Variants in SYNGR1 observed in about 807,000 individuals in gnomAD.
SYNGR1 encodes synaptogyrin 1.
Under a neutral mutation model 26.1 loss-of-function variants are expected in SYNGR1, and 14 were observed. The ratio of observed to expected loss-of-function variants is 0.54; its 90% CI spans 0.35 to 0.84. The LOEUF (loss-of-function observed/expected upper bound fraction) is 0.84, where lower values mean the gene tolerates loss of function less well. Among genes scored for constraint, SYNGR1 ranks in the 40% least tolerant of loss-of-function variants. The pLI, the probability that SYNGR1 is intolerant of heterozygous loss-of-function variation, is 0.01. For missense variants in SYNGR1, 319 were observed against 332.9 expected, an observed-to-expected ratio of 0.96 and a Z score of 0.33; for synonymous variants, 141 against 150.1, an observed-to-expected ratio of 0.94 and a Z score of 0.44.
chr22:39,369,927 G>C (rs1437886338), intron 1 of SYNGR1, among the ~76,000 whole-genome samples: 4 of 152,076 alleles, frequency 2.6e-5, no homozygotes, highest in African/African-American at 9.7e-5. Context: ...TTTTTTTACT[G>C]TGGCCAGATT....
chr22:39,362,407 G>A (rs968230548), intron 1 of SYNGR1, among the ~76,000 whole-genome samples: 14 of 43,366 alleles, frequency 3.2e-4, no homozygotes, highest in African/African-American at 9.7e-4. Context: ...TGCACAACCC[G>A]GTGTGAGGCG....
intron 1 of SYNGR1, among the ~76,000 whole-genome samples, chr22:39,369,100 A>C (rs1368015333): frequency 6.6e-6 from 1 of 152,166 alleles, no homozygotes; most frequent in African/African-American, 2.4e-5. Context: ...CAGTGTCTGA[A>C]GTCTCTTTCT....
Position 39,377,070 on chromosome 22 carries a change from C to T in SYNGR1, c.483+873C>T, listed in dbSNP as rs528476277. 4.8e-5 allele frequency: 75 copies of T among 1,550,772 alleles called. No homozygotes were observed. The Admixed American group carries it at 9.6e-4, about 20-fold the overall frequency. On this transcript the variant is annotated intron_variant, in intron 3 of 3. Transcript: ENST00000328933. ...CATCCCAAGAGCCCTCCCCATAACCCACAGCTGCCTCCCCTCTGGACCGGC... is the reference window on the plus strand; with the variant it reads ...CATCCCAAGAGCCCTCCCCATAACCTACAGCTGCCTCCCCTCTGGACCGGC...
intron 3 of SYNGR1, chr22:39,376,985 G>A (rs1215218151): frequency 6.4e-7 from 1 of 1,550,544 alleles, no homozygotes; most frequent in Non-Finnish European, 8.7e-7. Context: ...GGTCATGTCT[G>A]TTTCTTCTCT....
At chr22:39,352,741 A>C (rs1923965394) in intron 1 of SYNGR1, among the ~76,000 whole-genome samples, 1 of 152,210 alleles carries the variant, frequency 6.6e-6, no homozygotes, top group Admixed American at 6.5e-5. Flanking sequence ...TAGCATTCTG[A>C]GAGGCCCTTA....
chr22:39,379,187 C>T (rs1925415220), intron 3 of SYNGR1, among the ~76,000 whole-genome samples: 1 of 152,240 alleles, frequency 6.6e-6, no homozygotes, highest in African/African-American at 2.4e-5. Flanking sequence ...CTCATGCTAA[C>T]ATAGTGGGAA....
At chr22:39,355,810 G>A (rs1027222790) in intron 1 of SYNGR1, among the ~76,000 whole-genome samples, 2 of 152,162 alleles carry the variant, frequency 1.3e-5, no homozygotes, top group Admixed American at 6.5e-5. Context: ...CTGAGGTCAG[G>A]AGTTCGAGAC....
chr22:39,364,352 C>G (rs979663233), intron 1 of SYNGR1: 2 of 1,613,030 alleles, frequency 1.2e-6, no homozygotes, highest in African/African-American at 2.7e-5. Flanking sequence ...TGAGCCTTAG[C>G]CTCCCTGACT....
At chr22:39,360,114 G>C (rs1490713359) in intron 1 of SYNGR1, among the ~76,000 whole-genome samples, 2 of 152,124 alleles carry the variant, frequency 1.3e-5, no homozygotes, top group African/African-American at 4.8e-5. Context: ...CTTCACACCT[G>C]CCCCCCTCAT....
chr22:39,379,395 A>T (rs6001567), intron 3 of SYNGR1, among the ~76,000 whole-genome samples: 105,951 of 152,122 alleles, frequency 0.7, 37,264 homozygotes, highest in East Asian at 1. Flanking sequence ...GCACTTTGGG[A>T]GGCCAAGGCA....
chr22:39,350,208 C>A lies in SYNGR1; in HGVS notation c.99+99C>A. ...CGACCCCGACCCCGACCCCAACGGGCCCCCGGCGGCGGCGCGGCGGCGGGC... is the reference window on the plus strand; with the variant it reads ...CGACCCCGACCCCGACCCCAACGGGACCCCGGCGGCGGCGCGGCGGCGGGC... On this transcript the variant is annotated intron_variant, in intron 1 of 3. Transcript: ENST00000328933. This position sits in a 1 kb window ranked among gnomAD's most constrained non-coding sequence, Gnocchi z 4.3. 1.2e-6 allele frequency: 1 copy of A among 807,542 alleles called. No individual in the cohort carries two copies. 50.0% of individuals were successfully genotyped at this position (807,542 alleles called of 1,614,324 possible).
intron 1 of SYNGR1, chr22:39,364,021 G>C (rs1385617565): frequency 2.0e-6 from 2 of 1,012,234 alleles, no homozygotes; most frequent in South Asian, 1.5e-5. Context: ...CATGCTGGCT[G>C]GGCACAGCTC....
chr22:39,360,265 A>G (rs5757633), intron 1 of SYNGR1, among the ~76,000 whole-genome samples: 90,853 of 151,504 alleles, frequency 0.6, 29,715 homozygotes, highest in East Asian at 0.99. Context: ...CGCCCTCTCT[A>G]CTCTTGGCTC....
chr22:39,379,369 C>T (rs1465242334), intron 3 of SYNGR1, among the ~76,000 whole-genome samples: 1 of 152,238 alleles, frequency 6.6e-6, no homozygotes, highest in Non-Finnish European at 1.5e-5. Context: ...CATGGTGGCT[C>T]ATGCCTGTGA....
At chr22:39,359,980 C>G (rs145648658) in intron 1 of SYNGR1, among the ~76,000 whole-genome samples, 363 of 152,268 alleles carry the variant, frequency 2.4e-3, no homozygotes, top group African/African-American at 8.5e-3. Flanking sequence ...GTGCACTGGC[C>G]CTCACCACCC....
intron 1 of SYNGR1, among the ~76,000 whole-genome samples, chr22:39,356,807 G>A (rs966849662): frequency 2.6e-5 from 4 of 152,124 alleles, no homozygotes; most frequent in Non-Finnish European, 5.9e-5. Flanking sequence ...TGGAGCAAGA[G>A]GCCCATGCTC....
At chr22:39,368,435 G>A (rs980532994) in intron 1 of SYNGR1, among the ~76,000 whole-genome samples, 2 of 152,202 alleles carry the variant, frequency 1.3e-5, no homozygotes, top group African/African-American at 4.8e-5. Context: ...ACCGCCTGGT[G>A]CCCCTCCCAG....
intron 1 of SYNGR1, among the ~76,000 whole-genome samples, chr22:39,360,944 T>A (rs1269334823): frequency 6.6e-6 from 1 of 152,226 alleles, no homozygotes; most frequent in Non-Finnish European, 1.5e-5. Context: ...CTAGATTGCT[T>A]CCAGGCATCT....
At chr22:39,372,951 G>C (rs868069640) in intron 1 of SYNGR1, among the ~76,000 whole-genome samples, 1 of 152,108 alleles carries the variant, frequency 6.6e-6, no homozygotes, top group Non-Finnish European at 1.5e-5. Context: ...ACCAGGGAGT[G>C]GGGGAGAAGA....
Sources: gnomAD v4.1 joint callset for allele counts (sites outside exome capture counted in the v4.1 genomes callset) on GRCh38, gnomAD v4.1.1 for gene constraint, Gnocchi (gnomAD v3.1) non-coding constraint, MANE v1.5 for transcripts, NCBI Gene and HGNC (gene_info 2026-07-23, HGNC 2026-07-21) for gene names.